UPF3A: variants seen among roughly 807,000 people sequenced by gnomAD.
The protein encoded by UPF3A is UPF3A regulator of nonsense mediated mRNA decay, also known as regulator of nonsense transcripts 3A.
UPF3A carries 42 observed loss-of-function variants against 53.5 expected under a neutral mutation model. That is an observed-to-expected ratio of 0.78 (90% CI 0.61 to 1.01). The LOEUF is 1.01. UPF3A is among the 50% of genes least tolerant of loss of function. UPF3A has a pLI of 0.00. For missense variants in UPF3A, 575 were observed against 598.0 expected (o/e 0.96, Z 0.40); for synonymous variants, 237 against 225.3 (o/e 1.05, Z -0.47).
At chr13:114,301,420 G>A (rs867019578) in intron 8 of UPF3A, among the ~76,000 whole-genome samples, 1 of 149,470 alleles carries the variant, frequency 6.7e-6, no homozygotes, top group African/African-American at 2.5e-5. Flanking sequence ...CTGAGATCCC[G>A]CCATTTTACT....
At chr13:114,301,449 C>T (rs550516761) in intron 8 of UPF3A, among the ~76,000 whole-genome samples, 22 of 146,766 alleles carry the variant, frequency 1.5e-4, no homozygotes, top group African/African-American at 2.5e-4. Flanking sequence ...GGCAACAGAG[C>T]GAGACTCCAT....
At chr13:114,298,193 G>A (rs930679051) in intron 7 of UPF3A, among the ~76,000 whole-genome samples, 1 of 152,002 alleles carries the variant, frequency 6.6e-6, no homozygotes, top group Non-Finnish European at 1.5e-5. Flanking sequence ...CCGACATACT[G>A]AAACCCCGTC....
At chr13:114,302,190 C>T (rs1278408003) in intron 9 of UPF3A, among the ~76,000 whole-genome samples, 165 bp downstream of exon 9, 1 of 152,132 alleles carries the variant, frequency 6.6e-6, no homozygotes, top group Non-Finnish European at 1.5e-5. Flanking sequence ...TGAGACTAGT[C>T]ATCATCTTTT....
chr13:114,293,881 G>T (rs1391676677), intron 7 of UPF3A, among the ~76,000 whole-genome samples: 2 of 152,044 alleles, frequency 1.3e-5, no homozygotes, highest in African/African-American at 2.4e-5. Context: ...CAGGACTTTG[G>T]GAGACCAGGG....
chr13:114,282,561 G>T lies in UPF3A; in HGVS notation c.315-276G>T, dbSNP rs762979195. The T allele has an allele frequency of 7.4e-5, 73 of 985,358 alleles. No homozygotes were observed. In the Middle Eastern group the frequency reaches 1.5e-3, roughly 21 times the overall value. The allele number at this position is 985,358 out of a possible 1,614,324, so 61.0% of individuals were successfully genotyped here. A position where few individuals can be genotyped will look rare whatever the true frequency, so the allele number is the denominator to read the frequency against. On this transcript the variant is annotated intron_variant, in intron 2 of 9. Coordinates refer to ENST00000375299, the MANE Select transcript of UPF3A (RefSeq NM_023011.4). ...TCAGGAGAGTCTCTCGGCGCCACGG[G>T]TTCCTCTGGGAGTGCGCCCTGGCCT...
At chr13:114,283,815 A>G (rs2084375914) in intron 3 of UPF3A, 2 of 985,302 alleles carry the variant, frequency 2.0e-6, no homozygotes, top group Non-Finnish European at 1.2e-6. Flanking sequence ...CCTGGCTGTC[A>G]AGTTTGTATA....
intron 7 of UPF3A, among the ~76,000 whole-genome samples, chr13:114,297,704 C>G (rs2086182837): frequency 6.6e-6 from 1 of 152,166 alleles, no homozygotes; most frequent in African/African-American, 2.4e-5. Context: ...TGGCAGGAGC[C>G]TGTAATCCCA....
chr13:114,298,642 A>G (rs2086293447), intron 7 of UPF3A, among the ~76,000 whole-genome samples, 198 bp from the exon 8 acceptor site: 2 of 152,240 alleles, frequency 1.3e-5, no homozygotes, highest in African/African-American at 4.8e-5. Context: ...CTTACTTTTC[A>G]TGACTAAAAA....
At chr13:114,302,354 C>T (rs554715518) in intron 9 of UPF3A, among the ~76,000 whole-genome samples, 65 of 152,226 alleles carry the variant, frequency 4.3e-4, no homozygotes, top group African/African-American at 1.5e-3. Flanking sequence ...AGGTTTCTTC[C>T]ACATTATTAA....
At chr13:114,283,703 AG>A in intron 3 of UPF3A, 3 of 952,868 alleles carry the variant, frequency 3.1e-6, no homozygotes, top group Non-Finnish European at 3.7e-6. Context: ...CGGAGACAGC[AG>A]TCTTCAACTC....
intron 3 of UPF3A, chr13:114,285,920 G>T (rs1045900053): frequency 6.6e-5 from 12 of 182,706 alleles, no homozygotes; most frequent in Non-Finnish European, 1.3e-4. Flanking sequence ...GGCTGGGGAG[G>T]TCAGGTATAT....
intron 7 of UPF3A, among the ~76,000 whole-genome samples, chr13:114,298,116 A>G (rs895056004): frequency 2.6e-5 from 4 of 152,206 alleles, no homozygotes; most frequent in African/African-American, 4.8e-5. Flanking sequence ...TCACGCCCAT[A>G]ATCCCAGCAC....
chr13:114,297,063 A>C (rs937724226), intron 7 of UPF3A, among the ~76,000 whole-genome samples: 1 of 152,168 alleles, frequency 6.6e-6, no homozygotes, highest in South Asian at 2.1e-4. Flanking sequence ...GCGGCTTCCA[A>C]TGCTCCACCT....
intron 8 of UPF3A, among the ~76,000 whole-genome samples, chr13:114,299,269 G>A (rs982229370): frequency 1.3e-5 from 2 of 152,062 alleles, no homozygotes; most frequent in Admixed American, 6.5e-5. Context: ...CTCCTGAGCC[G>A]CCTCCTGGAT....
chr13:114,283,664 A>G, intron 3 of UPF3A: 3 of 605,892 alleles, frequency 5.0e-6, no homozygotes, highest in Non-Finnish European at 2.1e-6. Flanking sequence ...TGTCACCAGG[A>G]AGTCACTGCT....
chr13:114,294,840 C>T lies in UPF3A; in HGVS notation c.846+3048C>T, dbSNP rs540833953. On this transcript the variant is annotated intron_variant, in intron 7 of 9. Coordinates refer to ENST00000375299, the MANE Select transcript of UPF3A (RefSeq NM_023011.4). ...ACTCCGTCTCAAAAAGGCTGGACCG[C>T]GGTGGCTCACACCTGTAATCCTGGC... Among the ~76,000 whole-genome samples the T allele has an allele frequency of 8.1e-5, 11 of 136,502 alleles. 1 individual carries two copies. Among genetic ancestry groups the T allele is most frequent in the East Asian group, 2.3e-4 (1 of 4,376 alleles). The allele number at this position is 136,502 out of a possible 152,430, so 89.6% of individuals were successfully genotyped here. A position where few individuals can be genotyped will look rare whatever the true frequency, so the allele number is the denominator to read the frequency against.
At chr13:114,298,630 A>G (rs996401140) in intron 7 of UPF3A, among the ~76,000 whole-genome samples, 3 of 152,130 alleles carry the variant, frequency 2.0e-5, no homozygotes, top group Admixed American at 6.5e-5. Context: ...ACATTAACCT[A>G]CCTTACTTTT....
Position 114,281,635 on chromosome 13 carries a change from G to C in UPF3A, c.-5G>C, listed in dbSNP as rs999422972. 8.9e-6 allele frequency: 13 copies of C among 1,460,880 alleles called. No homozygotes were observed. The highest frequency in any genetic ancestry group is 1.2e-5 in the Non-Finnish European group (13 of 1,107,198). The allele number at this position is 1,460,880 out of a possible 1,614,324, so 90.5% of individuals were successfully genotyped here. On this transcript the variant is annotated 5_prime_UTR_variant, in exon 1 of 10. Transcript: ENST00000375299. ...TGGCGGCTGCGGCTCGGCGGAGAGT[G>C]CGGCATGCGCTCGGAAAAGGAGGGG...
intron 7 of UPF3A, among the ~76,000 whole-genome samples, chr13:114,295,302 G>GCTCGTCTCCAGCAGCT (rs2085780015): frequency 1.3e-5 from 1 of 75,988 alleles, no homozygotes; most frequent in African/African-American, 5.0e-5. Context: ...GCGTGGCAGA[G>GCTCGTCTCCAGCAGCT]CTGGCCTGCT....
Sources: allele counts gnomAD v4.1 joint callset (sites outside exome capture counted in the v4.1 genomes callset), GRCh38; gene constraint gnomAD v4.1.1; transcripts MANE v1.5; gene names NCBI Gene and HGNC (gene_info 2026-07-23, HGNC 2026-07-21).